DRG1: variants seen among roughly 807,000 people sequenced by gnomAD.
DRG1 encodes developmentally-regulated GTP-binding protein 1.
In DRG1, 19 loss-of-function variants were observed where a neutral mutation model predicts 38.8. That is an observed-to-expected ratio of 0.49 (90% CI 0.34 to 0.72). DRG1 has a LOEUF of 0.72. Ranked by LOEUF, DRG1 falls within the 30% of genes least tolerant of loss-of-function variation. DRG1 has a pLI of 0.01. For synonymous variants in DRG1, 167 were observed against 157.5 expected (o/e 1.06, Z -0.45); for missense variants, 299 against 444.8 (o/e 0.67, Z 2.95).
At chr22:31,404,697 C>T (rs1020404643) in intron 3 of DRG1, among the ~76,000 whole-genome samples, 8 of 152,168 alleles carry the variant, frequency 5.3e-5, no homozygotes, top group Middle Eastern at 3.2e-3. Context: ...TCTCGGCTCA[C>T]TGCAACCTCC....
rs778551099 is a variant in DRG1, at chr22:31,399,742, G to A, written c.42+17G>A. 1 of 1,613,978 alleles carries A rather than the reference G, an allele frequency of 6.2e-7. No individual in the cohort carries two copies. Among genetic ancestry groups the A allele is most frequent in the East Asian group, 2.2e-5 (1 of 44,876 alleles). The stretch of plus-strand genomic sequence containing the variant: ...GAAGCAGAGGTAATGGACGCAGCTG[G>A]CGGTTCACTCTTAGTCTGAGCATTC... On this transcript the variant is annotated intron_variant, in intron 1 of 8. Coordinates refer to ENST00000331457, the MANE Select transcript of DRG1 (RefSeq NM_004147.4).
intron 4 of DRG1, among the ~76,000 whole-genome samples, chr22:31,419,838 G>A (rs1166538352): frequency 6.6e-6 from 1 of 152,160 alleles, no homozygotes; most frequent in Non-Finnish European, 1.5e-5. Flanking sequence ...GAGCTCAGGA[G>A]TTCGAGACCA....
At chr22:31,430,660 A>G (rs904999342) in intron 8 of DRG1, among the ~76,000 whole-genome samples, 33 of 151,946 alleles carry the variant, frequency 2.2e-4, no homozygotes, top group Non-Finnish European at 4.3e-4. Context: ...CGGCCTCTCA[A>G]AGTGCTGGGA....
At position 31,400,670 on chromosome 22, in the gene DRG1, T is replaced by G; in HGVS notation, c.93T>G (p.Leu31=). Residue 31 remains leucine, a synonymous_variant, in exon 2 of 9, where the codon CTT becomes CTG. Coordinates refer to ENST00000331457, the MANE Select transcript of DRG1 (RefSeq NM_004147.4). ...CCACAGCACACCACTTAGGGCTGCT[T>G]AAGGCTCGTCTTGCTAAGCTTCGTC... ...NKATAHHLGL[L]KARLAKLRRE... is the part of the protein sequence containing the mutation. 6.2e-7 allele frequency: 1 copy of G among 1,613,546 alleles called. No homozygotes were observed.
At chr22:31,402,940 G>T in intron 2 of DRG1, 89 bp from the exon 3 acceptor site, 1 of 1,373,248 alleles carries the variant, frequency 7.3e-7, no homozygotes, top group Non-Finnish European at 1.0e-6. Context: ...TGCCTAGAGG[G>T]ATAGGCAGTA....
chr22:31,412,695 C>T (rs1260711261), intron 4 of DRG1, among the ~76,000 whole-genome samples: 1 of 149,560 alleles, frequency 6.7e-6, no homozygotes, highest in African/African-American at 2.5e-5. Context: ...TTGGTGGAGC[C>T]TTTTTTTTTC....
intron 6 of DRG1, among the ~76,000 whole-genome samples, chr22:31,425,462 C>G (rs1362534708): frequency 7.0e-6 from 1 of 142,992 alleles, no homozygotes; most frequent in Non-Finnish European, 1.5e-5. Flanking sequence ...TTTTTTGAGA[C>G]AGAGTCATGC....
chr22:31,407,940 G>T (rs1201364038), intron 3 of DRG1, among the ~76,000 whole-genome samples: 1 of 149,592 alleles, frequency 6.7e-6, no homozygotes, highest in Non-Finnish European at 1.5e-5. Flanking sequence ...GGCCAATGTG[G>T]TGAAACCCTG....
intron 3 of DRG1, among the ~76,000 whole-genome samples, chr22:31,408,234 G>A (rs1329882125): frequency 1.7e-5 from 2 of 120,492 alleles, no homozygotes; most frequent in African/African-American, 3.1e-5. Context: ...TGCCTCCTGG[G>A]TTCAAGCAAT....
At chr22:31,404,258 T>C (rs2049977979) in intron 3 of DRG1, among the ~76,000 whole-genome samples, 1 of 151,470 alleles carries the variant, frequency 6.6e-6, no homozygotes, top group Non-Finnish European at 1.5e-5. Context: ...CTTTTTTTTT[T>C]TTTTTGAGAC....
At chr22:31,415,843 C>G (rs1361136809) in intron 4 of DRG1, among the ~76,000 whole-genome samples, 6 of 152,208 alleles carry the variant, frequency 3.9e-5, no homozygotes, top group African/African-American at 1.4e-4. Context: ...TAATGGGTCA[C>G]TTTCCCCAAC....
intron 2 of DRG1, 110 bp downstream of exon 2, chr22:31,400,853 C>G: frequency 7.8e-7 from 1 of 1,286,624 alleles, no homozygotes. Flanking sequence ...GGCTCAACGC[C>G]TGCAATCCTA....
At position 31,420,280 on chromosome 22, in the gene DRG1, T is replaced by G; in HGVS notation, c.437T>G (p.Leu146Trp). 6.2e-7 allele frequency: 1 copy of G among 1,614,176 alleles called. No individual in the cohort carries two copies. The highest frequency in any genetic ancestry group is 8.5e-7 in the Non-Finnish European group (1 of 1,180,028). The part of the protein sequence containing the change: ...IAVARTCNLI[L>W]IVLDVLKPLG... ...GTGGCCCGAACCTGTAACTTGATCT[T>G]GATTGTTCTGGATGTCCTGAAACCT... The change falls in exon 5 of 9, where the codon TTG (leucine) becomes TGG (tryptophan). Residue 146 changes from leucine to tryptophan, a missense_variant. Coordinates refer to ENST00000331457, the MANE Select transcript of DRG1 (RefSeq NM_004147.4).
intron 3 of DRG1, among the ~76,000 whole-genome samples, chr22:31,410,203 T>A (rs906084066): frequency 6.6e-6 from 1 of 152,080 alleles, no homozygotes; most frequent in Non-Finnish European, 1.5e-5. Context: ...ATGCCTGTAA[T>A]CCCAGCACTT....
chr22:31,404,622 TTTG>T (rs1471878797), intron 3 of DRG1, among the ~76,000 whole-genome samples: 1 of 151,844 alleles, frequency 6.6e-6, no homozygotes, highest in Non-Finnish European at 1.5e-5. Context: ...TCCATGTTTT[TTTG>T]TTTTGTTTTG....
At chr22:31,432,004 A>G (rs1315224465) in intron 8 of DRG1, among the ~76,000 whole-genome samples, 1 of 151,928 alleles carries the variant, frequency 6.6e-6, no homozygotes, top group Non-Finnish European at 1.5e-5. Flanking sequence ...TAAGAAACAT[A>G]TCGAAGCAAA....
chr22:31,409,212 G>A (rs992982698), intron 3 of DRG1, among the ~76,000 whole-genome samples: 2 of 152,140 alleles, frequency 1.3e-5, no homozygotes, highest in Non-Finnish European at 2.9e-5. Context: ...AGCCTCCAGA[G>A]TAGCTGGGAT....
intron 8 of DRG1, among the ~76,000 whole-genome samples, chr22:31,431,371 AAAG>A (rs1244931290): frequency 2.0e-5 from 3 of 152,140 alleles, no homozygotes; most frequent in Non-Finnish European, 2.9e-5. Context: ...GTTAAAAACA[AAAG>A]AAGAAAATAG....
At chr22:31,399,962 C>T (rs1326707674) in intron 1 of DRG1, among the ~76,000 whole-genome samples, 1 of 152,136 alleles carries the variant, frequency 6.6e-6, no homozygotes, top group Non-Finnish European at 1.5e-5. Flanking sequence ...TTTGCCCGGG[C>T]CCGCGTTCCG....
Sources: allele counts gnomAD v4.1 joint callset (sites outside exome capture counted in the v4.1 genomes callset), GRCh38; gene constraint gnomAD v4.1.1; transcripts MANE v1.5; gene names NCBI Gene and HGNC (gene_info 2026-07-23, HGNC 2026-07-21).